Variants in FOCAD observed in about 807,000 individuals in gnomAD.
The protein encoded by FOCAD is KIAA1797.
FOCAD carries 198 observed loss-of-function variants against 225.6 expected under a neutral mutation model. That is an observed-to-expected ratio of 0.88 (90% CI 0.78 to 0.99). FOCAD has a LOEUF of 0.99. FOCAD is among the 50% of genes least tolerant of loss of function. The probability of loss-of-function intolerance (pLI) is 0.00; values close to 1 mark genes in which losing one functional copy is unlikely to be tolerated. For missense variants in FOCAD, 2,713 were observed against 2,123.6 expected, an observed-to-expected ratio of 1.28 and a Z score of -5.46; for synonymous variants, 897 against 755.0, an observed-to-expected ratio of 1.19 and a Z score of -3.08.
intron 15 of FOCAD, among the ~76,000 whole-genome samples, chr9:20,835,323 C>G (rs1262327969): frequency 1.3e-5 from 2 of 151,830 alleles, no homozygotes; most frequent in Admixed American, 6.6e-5. Flanking sequence ...AGTAACATAC[C>G]CAAATTAACT....
intron 25 of FOCAD, among the ~76,000 whole-genome samples, chr9:20,925,045 G>A (rs991092504): frequency 6.6e-6 from 1 of 152,164 alleles, no homozygotes; most frequent in African/African-American, 2.4e-5. Context: ...TAGGTGCTGT[G>A]TGGCAAAAGC....
At position 20,923,683 on chromosome 9, in the gene FOCAD, A is replaced by G. The variant is rs542187777; in HGVS notation, c.2876A>G (p.Asn959Ser). Residue 959 changes from asparagine to serine, a missense_variant, in exon 25 of 44, where the codon AAT becomes AGT. Coordinates refer to ENST00000338382, the MANE Select transcript of FOCAD (RefSeq NM_001375567.1). ...AGGGAGAGTCCGGTAGTGAAAGGCAATGCGCTGTTAGCTCTAAGCAGCCTT... is the reference window on the plus strand; with the variant it reads ...AGGGAGAGTCCGGTAGTGAAAGGCAGTGCGCTGTTAGCTCTAAGCAGCCTT... Reference protein sequence around the residue: ...AAKESPVVKGNALLALSSLAV... With the variant: ...AAKESPVVKGSALLALSSLAV... 2.3e-5 allele frequency: 37 copies of G among 1,614,034 alleles called. No homozygotes were observed. In the South Asian group the frequency reaches 3.2e-4, roughly 14 times the overall value.
intron 22 of FOCAD, among the ~76,000 whole-genome samples, chr9:20,911,579 A>T (rs899701561): frequency 1.3e-5 from 2 of 152,158 alleles, no homozygotes; most frequent in African/African-American, 4.8e-5. Flanking sequence ...ATCTTTGGTT[A>T]TTGACAACAA....
At chr9:20,714,642 T>TCCTG (rs1563905555) in intron 1 of FOCAD, among the ~76,000 whole-genome samples, 1 of 61,624 alleles carries the variant, frequency 1.6e-5, no homozygotes, top group Non-Finnish European at 3.4e-5. Flanking sequence ...CTGCCTTCCT[T>TCCTG]CCTTCCTTCC....
intron 5 of FOCAD, among the ~76,000 whole-genome samples, chr9:20,741,825 T>TA (rs1179423483): frequency 6.6e-6 from 1 of 152,094 alleles, no homozygotes; most frequent in Admixed American, 6.6e-5. Context: ...TCCTCCTTTT[T>TA]AAAAAGAAAT....
intron 2 of FOCAD, among the ~76,000 whole-genome samples, chr9:20,675,475 A>T (rs1822204447): frequency 6.6e-6 from 1 of 152,236 alleles, no homozygotes; most frequent in Non-Finnish European, 1.5e-5. Flanking sequence ...ACTAAAAGAT[A>T]ATATACATCA....
chr9:20,981,402 C>T (rs1840685657), intron 37 of FOCAD, 24 bp from the exon 38 acceptor site: 1 of 1,610,482 alleles, frequency 6.2e-7, no homozygotes, highest in Non-Finnish European at 8.5e-7. Flanking sequence ...TATTTACATT[C>T]AACCCCTTCT....
At chr9:20,670,319 A>T (rs1183817982) in intron 2 of FOCAD, among the ~76,000 whole-genome samples, 1 of 152,238 alleles carries the variant, frequency 6.6e-6, no homozygotes, top group Non-Finnish European at 1.5e-5. Flanking sequence ...TGAGGTAAAT[A>T]TCATTAGTAT....
chr9:20,828,440 G>A (rs1381578411), intron 15 of FOCAD, among the ~76,000 whole-genome samples: 1 of 152,004 alleles, frequency 6.6e-6, no homozygotes, highest in African/African-American at 2.4e-5. Context: ...ATTTTGGTAG[G>A]TAGATCTCTA....
chr9:20,855,559 G>A (rs767520457), intron 15 of FOCAD, among the ~76,000 whole-genome samples: 5 of 151,510 alleles, frequency 3.3e-5, no homozygotes, highest in Non-Finnish European at 7.4e-5. Context: ...CAGGATAACT[G>A]GGGTATCCAT....
intron 24 of FOCAD, among the ~76,000 whole-genome samples, chr9:20,921,951 G>A (rs80023914): frequency 1.3e-5 from 2 of 152,184 alleles, no homozygotes; most frequent in East Asian, 3.9e-4. Context: ...ATAAAACTGG[G>A]ACTCTAATAC....
chr9:20,845,520 A>C (rs1295701143), intron 15 of FOCAD, among the ~76,000 whole-genome samples: 1 of 146,246 alleles, frequency 6.8e-6, no homozygotes, highest in Non-Finnish European at 1.5e-5. Flanking sequence ...CTAGTCCTTT[A>C]TTGATGGATA....
intron 15 of FOCAD, among the ~76,000 whole-genome samples, chr9:20,829,971 T>C (rs1337763305): frequency 6.6e-6 from 1 of 152,070 alleles, no homozygotes; most frequent in Non-Finnish European, 1.5e-5. Flanking sequence ...AAAACCCCAA[T>C]TGTGACAGGT....
chr9:20,724,297 A>G (rs1049174034), intron 4 of FOCAD, among the ~76,000 whole-genome samples: 1 of 152,186 alleles, frequency 6.6e-6, no homozygotes, highest in Admixed American at 6.5e-5. Flanking sequence ...TATTATTTCT[A>G]ATCTTTTACA....
chr9:20,720,637 T>A, intron 4 of FOCAD, 103 bp downstream of exon 4: 1 of 1,145,790 alleles, frequency 8.7e-7, no homozygotes, highest in African/African-American at 1.5e-5. Context: ...TTGCCAGTTG[T>A]TTTTCTTGCT....
At chr9:20,864,327 A>G (rs1587439461) in intron 16 of FOCAD, among the ~76,000 whole-genome samples, 1 of 152,080 alleles carries the variant, frequency 6.6e-6, no homozygotes, top group East Asian at 1.9e-4. Context: ...TCCATAAAGC[A>G]TTCTGGAATC....
chr9:20,901,192 A>ATGTGTGTGTGTG (rs71334562), intron 21 of FOCAD, among the ~76,000 whole-genome samples: 24 of 105,754 alleles, frequency 2.3e-4, no homozygotes, highest in East Asian at 2.1e-3. Context: ...TGTGGAAACA[A>ATGTGTGTGTGTG]TGTGTGTGTG....
intron 15 of FOCAD, among the ~76,000 whole-genome samples, chr9:20,844,347 T>TC (rs1437392108): frequency 5.5e-5 from 7 of 127,728 alleles, no homozygotes; most frequent in Admixed American, 9.3e-5. Context: ...TCAGGAAATT[T>TC]CCTTTTTTTT....
chr9:20,721,422 C>T (rs1825756292), intron 4 of FOCAD, among the ~76,000 whole-genome samples: 1 of 152,088 alleles, frequency 6.6e-6, no homozygotes, highest in Non-Finnish European at 1.5e-5. Context: ...TGGAAAGATG[C>T]TGGATGCAGT....
Sources: gnomAD v4.1 joint callset for allele counts (sites outside exome capture counted in the v4.1 genomes callset) on GRCh38, gnomAD v4.1.1 for gene constraint, MANE v1.5 for transcripts, NCBI Gene and HGNC (gene_info 2026-07-23, HGNC 2026-07-21) for gene names.